The following AKAP13 variants were observed in gnomAD, a reference collection of about 807,000 sequenced individuals.
The protein encoded by AKAP13 is A-kinase anchoring protein 13, also known as A-kinase anchor protein 13.
Under a neutral mutation model 264.5 loss-of-function variants are expected in AKAP13, and 80 were observed. The observed-to-expected ratio is 0.30, with a 90% CI of 0.25 to 0.36. The LOEUF (loss-of-function observed/expected upper bound fraction) is 0.36. Ranked by LOEUF, AKAP13 falls within the 10% of genes least tolerant of loss-of-function variation. The probability of loss-of-function intolerance (pLI) is 1.00; values close to 1 mark genes in which losing one functional copy is unlikely to be tolerated. For missense variants in AKAP13, 3,712 were observed against 3,435.2 expected, an observed-to-expected ratio of 1.08 and a Z score of -2.01; for synonymous variants, 1,380 against 1,250.2, an observed-to-expected ratio of 1.10 and a Z score of -2.19.
At chr15:85,564,274 C>A (rs1041440571) in intron 5 of AKAP13, among the ~76,000 whole-genome samples, 2 of 152,142 alleles carry the variant, frequency 1.3e-5, no homozygotes, top group Non-Finnish European at 2.9e-5. Context: ...AAGAAACGTG[C>A]AATGAACTCC....
At chr15:85,703,013 C>A (rs1026912897) in intron 17 of AKAP13, among the ~76,000 whole-genome samples, 3 of 152,136 alleles carry the variant, frequency 2.0e-5, no homozygotes, top group African/African-American at 7.2e-5. Context: ...GAGATTATTG[C>A]TGATTTATTT....
chr15:85,610,595 G>A (rs1298152770), intron 8 of AKAP13, among the ~76,000 whole-genome samples: 1 of 152,110 alleles, frequency 6.6e-6, no homozygotes, highest in East Asian at 1.9e-4. Flanking sequence ...TAATCTTATA[G>A]CAACCATTAT....
chr15:85,635,006 C>A, intron 8 of AKAP13: 1 of 397,670 alleles, frequency 2.5e-6, no homozygotes, highest in Middle Eastern at 6.3e-4. Context: ...TAGTTTGGAG[C>A]TCTCATGAAT....
At chr15:85,503,126 G>A (rs1005480949) in intron 2 of AKAP13, among the ~76,000 whole-genome samples, 4 of 152,078 alleles carry the variant, frequency 2.6e-5, no homozygotes, top group Admixed American at 1.3e-4. Flanking sequence ...CGTGGTAAGG[G>A]GATTAAATGG....
intron 8 of AKAP13, among the ~76,000 whole-genome samples, chr15:85,634,424 A>G (rs748839904): frequency 1.8e-4 from 28 of 152,208 alleles, no homozygotes; most frequent in Non-Finnish European, 3.8e-4. Flanking sequence ...GTTTGTTTAG[A>G]TATTTCTGCT....
At chr15:85,380,991 C>T (rs917165683) in intron 1 of AKAP13, among the ~76,000 whole-genome samples, 193 bp downstream of exon 1, 1 of 152,070 alleles carries the variant, frequency 6.6e-6, no homozygotes, top group African/African-American at 2.4e-5. Flanking sequence ...TCTGCGGACC[C>T]CTCCTCCCTG....
At chr15:85,612,311 A>C (rs2080674349) in intron 8 of AKAP13, among the ~76,000 whole-genome samples, 2 of 152,232 alleles carry the variant, frequency 1.3e-5, no homozygotes, top group African/African-American at 4.8e-5. Context: ...GCAGTTTATT[A>C]TGTGTAAATT....
At chr15:85,703,429 T>G (rs970754818) in intron 17 of AKAP13, among the ~76,000 whole-genome samples, 1 of 152,270 alleles carries the variant, frequency 6.6e-6, no homozygotes, top group African/African-American at 2.4e-5. Flanking sequence ...TTTGTGGCTT[T>G]CTTCTTGTTC....
intron 5 of AKAP13, among the ~76,000 whole-genome samples, chr15:85,557,610 A>G (rs1203350578): frequency 6.6e-6 from 1 of 152,080 alleles, no homozygotes; most frequent in Non-Finnish European, 1.5e-5. Context: ...GACTACAGGC[A>G]CGCACCACCA....
intron 2 of AKAP13, among the ~76,000 whole-genome samples, chr15:85,501,101 A>G (rs2076026677): frequency 6.6e-6 from 1 of 152,182 alleles, no homozygotes; most frequent in African/African-American, 2.4e-5. Flanking sequence ...TTCACCTACC[A>G]TCACTCGTGA....
Position 85,664,682 on chromosome 15 carries a change from T to C in AKAP13, c.4919T>C (p.Val1640Ala). 3 of 1,614,114 alleles carry C rather than the reference T, an allele frequency of 1.9e-6. No individual in the cohort carries two copies. The highest frequency in any genetic ancestry group is 1.7e-6 in the Non-Finnish European group (2 of 1,179,972). ...LRHPFSGEER[V>A]DSLVSLSEED... is the part of the protein sequence containing the mutation. ...CACCCATTCAGTGGTGAGGAACGGG[T>C]TGACTCTTTGGTGTCACTTTCAGAA... The change falls in exon 13 of 37, where the codon GTT becomes GCT. Residue 1640 changes from valine (V) to alanine (A), a missense_variant. Physicochemically the swap from Val to Ala is moderately conservative, Grantham distance 64 (BLOSUM62 0). Transcript: ENST00000394518.
chr15:85,622,725 A>G lies in AKAP13; in HGVS notation c.4162-16649A>G, dbSNP rs74745732. ...ACAGGAAAACAGATTGGTGTAGTTA[A>G]TAACTTTCCCAGTGTCTCACATCTC... is the stretch of plus-strand genomic sequence containing the variant. On this transcript the variant is annotated intron_variant, in intron 8 of 36. Coordinates refer to ENST00000394518, the MANE Select transcript of AKAP13 (RefSeq NM_007200.5). 7.8e-3 allele frequency among the ~76,000 whole-genome samples: 1,189 copies of G among 152,316 alleles called. 7 individuals are homozygous for G. The highest frequency in any genetic ancestry group is 0.011 in the Non-Finnish European group (721 of 68,028).
intron 14 of AKAP13, among the ~76,000 whole-genome samples, chr15:85,680,039 T>G (rs985028056): frequency 6.6e-5 from 10 of 152,258 alleles, no homozygotes; most frequent in Non-Finnish European, 1.0e-4. Context: ...CTCCTAGTAC[T>G]CAATCACATA....
At chr15:85,513,474 G>C (rs952318226) in intron 2 of AKAP13, among the ~76,000 whole-genome samples, 5 of 152,042 alleles carry the variant, frequency 3.3e-5, no homozygotes, top group African/African-American at 7.2e-5. Context: ...TCCAAAAGTA[G>C]TACAAAGAAT....
At chr15:85,672,369 T>C (rs1441412335) in intron 14 of AKAP13, among the ~76,000 whole-genome samples, 1 of 152,258 alleles carries the variant, frequency 6.6e-6, no homozygotes. Context: ...TTTGTTATTC[T>C]ACACTAGAAA....
chr15:85,523,266 A>C lies in AKAP13; in HGVS notation c.181+1691A>C, dbSNP rs985561931. Reference sequence around the variant, plus strand: ...TTACTTGTCTTTTTCAGCTACTGTCATTTGGCTTAGTTTGGTAATTTATTG... The same window carrying C: ...TTACTTGTCTTTTTCAGCTACTGTCCTTTGGCTTAGTTTGGTAATTTATTG... On this transcript the variant is annotated intron_variant, in intron 3 of 36. Transcript: ENST00000394518. Among the ~76,000 whole-genome samples the C allele has an allele frequency of 4.6e-5, 7 of 152,014 alleles. No homozygotes were observed. The South Asian group carries it at 1.0e-3, about 23-fold the overall frequency.
chr15:85,585,279 T>C (rs1161078147), intron 7 of AKAP13, among the ~76,000 whole-genome samples: 2 of 152,228 alleles, frequency 1.3e-5, no homozygotes, highest in Middle Eastern at 3.2e-3. Context: ...TCTCAGTGGC[T>C]TTTTCCTTTT....
At chr15:85,647,032 C>T (rs1339697329) in intron 10 of AKAP13, among the ~76,000 whole-genome samples, 2 of 152,088 alleles carry the variant, frequency 1.3e-5, no homozygotes, top group Non-Finnish European at 2.9e-5. Context: ...ATAATGAGCT[C>T]GGAGAAGTGG....
At chr15:85,706,629 G>T (rs1377069104) in intron 17 of AKAP13, among the ~76,000 whole-genome samples, 1 of 152,208 alleles carries the variant, frequency 6.6e-6, no homozygotes, top group Admixed American at 6.5e-5. Flanking sequence ...AATCAAGGCT[G>T]TGTCAGCGCA....
Sources: gnomAD v4.1 joint callset for allele counts (sites outside exome capture counted in the v4.1 genomes callset) on GRCh38, gnomAD v4.1.1 for gene constraint, MANE v1.5 for transcripts, NCBI Gene and HGNC (gene_info 2026-07-23, HGNC 2026-07-21) for gene names.